The following TRABD2B variants were observed in gnomAD, a reference collection of about 807,000 sequenced individuals.
The protein encoded by TRABD2B is metalloprotease TIKI2.
TRABD2B carries 14 observed loss-of-function variants against 40.1 expected under a neutral mutation model. That is an observed-to-expected ratio of 0.35 (90% CI 0.23 to 0.55). TRABD2B has a LOEUF of 0.55. Ranked by LOEUF, TRABD2B falls within the 20% of genes least tolerant of loss-of-function variation. TRABD2B has a pLI of 0.90. For missense variants in TRABD2B, 541 were observed against 648.6 expected (o/e 0.83, Z 1.80); for synonymous variants, 263 against 277.0 (o/e 0.95, Z 0.50).
intron 2 of TRABD2B, among the ~76,000 whole-genome samples, chr1:47,913,797 G>T (rs562688424): frequency 3.9e-5 from 6 of 152,118 alleles, no homozygotes; most frequent in Non-Finnish European, 8.8e-5. Flanking sequence ...ATTAAATAAA[G>T]AAACTTAAGG....
intron 2 of TRABD2B, among the ~76,000 whole-genome samples, chr1:47,827,547 G>T (rs1271425887): frequency 6.6e-6 from 1 of 152,206 alleles, no homozygotes; most frequent in East Asian, 1.9e-4. Flanking sequence ...CACAGCACCT[G>T]ACTTGTCTTG....
At chr1:47,961,990 T>C (rs946230927) in intron 2 of TRABD2B, among the ~76,000 whole-genome samples, 3 of 152,060 alleles carry the variant, frequency 2.0e-5, no homozygotes, top group African/African-American at 7.2e-5. Flanking sequence ...TAGACTGGAT[T>C]AAGAAAATGT....
At chr1:47,980,034 C>T (rs1440598973) in intron 2 of TRABD2B, among the ~76,000 whole-genome samples, 2 of 152,006 alleles carry the variant, frequency 1.3e-5, no homozygotes, top group African/African-American at 2.4e-5. Context: ...GGTCAGTGGC[C>T]CCCCAGTGCA....
chr1:47,817,519 C>T (rs1445114453), intron 2 of TRABD2B, among the ~76,000 whole-genome samples: 1 of 152,112 alleles, frequency 6.6e-6, no homozygotes, highest in African/African-American at 2.4e-5. Context: ...AGAGACATGT[C>T]AGTGTAGTGA....
intron 4 of TRABD2B, among the ~76,000 whole-genome samples, chr1:47,788,629 G>T (rs928565230): frequency 6.6e-6 from 1 of 152,234 alleles, no homozygotes; most frequent in South Asian, 2.1e-4. Context: ...AGAGAGGCTG[G>T]AGCAAATAAT....
intron 2 of TRABD2B, among the ~76,000 whole-genome samples, chr1:47,913,739 C>G (rs1258351969): frequency 6.6e-6 from 1 of 152,170 alleles, no homozygotes; most frequent in African/African-American, 2.4e-5. Context: ...AAGAGAAGAG[C>G]AGCCATGTCC....
At position 47,812,035 on chromosome 1, in the gene TRABD2B, G is replaced by T. The variant is rs181029472; in HGVS notation, c.667-10416C>A. 1.4e-4 allele frequency among the ~76,000 whole-genome samples: 22 copies of T among 152,332 alleles called. 1 individual carries two copies. In the East Asian group the frequency reaches 3.7e-3, roughly 25 times the overall value. Reference sequence around the variant, plus strand: ...CTCAGAGCAGTAAGTGGCATCCCTTGTTCCCCAGTGATGGGGCTCCATACC... The same window carrying T: ...CTCAGAGCAGTAAGTGGCATCCCTTTTTCCCCAGTGATGGGGCTCCATACC... On this transcript the variant is annotated intron_variant, in intron 2 of 6. Transcript: ENST00000606738.
Position 47,813,741 on chromosome 1 carries a change from G to C in TRABD2B, c.667-12122C>G, listed in dbSNP as rs1434191072. Among the ~76,000 whole-genome samples, 1 of 152,154 alleles carries C rather than the reference G, an allele frequency of 6.6e-6. No homozygotes were observed. The highest frequency in any genetic ancestry group is 1.5e-5 in the Non-Finnish European group (1 of 68,034). ...AGAAATTTCTGTTCCCTAAGCACCG[G>C]GGTGGGTCCCAGTTGCAGGAGGTGT... On this transcript the variant is annotated intron_variant, in intron 2 of 6. Transcript: ENST00000606738. This position sits in a 1 kb window ranked among gnomAD's most constrained non-coding sequence, Gnocchi z 4.3.
At chr1:47,815,980 C>T (rs1453837044) in intron 2 of TRABD2B, among the ~76,000 whole-genome samples, 3 of 152,108 alleles carry the variant, frequency 2.0e-5, no homozygotes, top group Non-Finnish European at 4.4e-5. Context: ...TGCGGGGGTC[C>T]TGGGGAGACT....
At chr1:47,867,346 A>C (rs1468751111) in intron 2 of TRABD2B, among the ~76,000 whole-genome samples, 1 of 152,118 alleles carries the variant, frequency 6.6e-6, no homozygotes, top group Non-Finnish European at 1.5e-5. Context: ...AAATGCAACA[A>C]AGTGTGGGCT....
intron 2 of TRABD2B, among the ~76,000 whole-genome samples, chr1:47,965,765 G>C (rs183652594): frequency 6.6e-6 from 1 of 152,122 alleles, no homozygotes; most frequent in African/African-American, 2.4e-5. Flanking sequence ...CTACTTCTAG[G>C]ATACTAGGAT....
intron 2 of TRABD2B, among the ~76,000 whole-genome samples, chr1:47,803,639 G>A (rs918165147): frequency 2.2e-4 from 34 of 152,216 alleles, no homozygotes; most frequent in Non-Finnish European, 4.6e-4. Context: ...GATACACCAT[G>A]CTTCCTTCCA....
chr1:47,992,215 CTGTT>C (rs1253868483), intron 2 of TRABD2B, among the ~76,000 whole-genome samples: 4 of 152,184 alleles, frequency 2.6e-5, no homozygotes, highest in African/African-American at 9.7e-5. Context: ...GAATTGGAGT[CTGTT>C]TGATCTTCAA....
chr1:47,983,247 G>T (rs1645867096), intron 2 of TRABD2B, among the ~76,000 whole-genome samples: 1 of 152,114 alleles, frequency 6.6e-6, no homozygotes, highest in Non-Finnish European at 1.5e-5. Context: ...ACCAAATACT[G>T]CATGTTCTCA....
At chr1:47,953,555 C>T (rs547058513) in intron 2 of TRABD2B, among the ~76,000 whole-genome samples, 51 of 152,248 alleles carry the variant, frequency 3.3e-4, no homozygotes, top group Admixed American at 2.6e-3. Context: ...CAGAGGCCTC[C>T]GGGGCAGTTG....
In TRABD2B at chr1:47,896,187, G is replaced by C. The variant is rs921223398; in HGVS notation, c.667-94568C>G. 5.3e-5 allele frequency among the ~76,000 whole-genome samples: 8 copies of C among 152,346 alleles called. No individual in the cohort carries two copies. The East Asian group carries it at 5.8e-4, about 11-fold the overall frequency. On this transcript the variant is annotated intron_variant, in intron 2 of 6. Transcript: ENST00000606738. ...ATTAAAATAACACCTCCCCAGGAAG[G>C]ACCTCACGTCAGGGCTGCCGCACAA...
At chr1:47,923,772 T>C (rs1644933051) in intron 2 of TRABD2B, among the ~76,000 whole-genome samples, 1 of 152,160 alleles carries the variant, frequency 6.6e-6, no homozygotes, top group Admixed American at 6.5e-5. Flanking sequence ...GAGGGAATTC[T>C]GCCAGCAGAT....
intron 2 of TRABD2B, among the ~76,000 whole-genome samples, chr1:47,957,136 C>A (rs1645436268): frequency 6.6e-6 from 1 of 152,222 alleles, no homozygotes; most frequent in Non-Finnish European, 1.5e-5. Flanking sequence ...AGACCTGCAG[C>A]TGAAGGTCCT....
At chr1:47,931,498 C>T (rs533856168) in intron 2 of TRABD2B, among the ~76,000 whole-genome samples, 1 of 152,262 alleles carries the variant, frequency 6.6e-6, no homozygotes, top group African/African-American at 2.4e-5. Context: ...GATGCTGTGC[C>T]TGTTTTCTGG....
Sources: allele counts gnomAD v4.1 joint callset (sites outside exome capture counted in the v4.1 genomes callset), GRCh38; gene constraint gnomAD v4.1.1; non-coding constraint Gnocchi (gnomAD v3.1); transcripts MANE v1.5; gene names NCBI Gene and HGNC (gene_info 2026-07-23, HGNC 2026-07-21).